ZNF292: variants seen among roughly 807,000 people sequenced by gnomAD.
ZNF292 encodes 16 zinc-finger domain protein.
ZNF292 carries 26 observed loss-of-function variants against 217.9 expected under a neutral mutation model. The observed-to-expected ratio is 0.12, with a 90% CI of 0.09 to 0.17. The LOEUF (loss-of-function observed/expected upper bound fraction) is 0.17. Ranked by LOEUF, ZNF292 falls within the 10% of genes least tolerant of loss-of-function variation. The pLI, the probability that ZNF292 is intolerant of heterozygous loss-of-function variation, is 1.00. For synonymous variants in ZNF292, 1,257 were observed against 1,124.1 expected, an observed-to-expected ratio of 1.12 and a Z score of -2.37; for missense variants, 2,904 against 3,175.2, an observed-to-expected ratio of 0.91 and a Z score of 2.05.
chr6:87,194,288 G>C (rs1053914439), intron 1 of ZNF292, among the ~76,000 whole-genome samples: 1 of 152,050 alleles, frequency 6.6e-6, no homozygotes, highest in East Asian at 1.9e-4. Context: ...TTCACTCTTA[G>C]ACATAAAAAT....
At chr6:87,188,326 G>A (rs1188825295) in intron 1 of ZNF292, among the ~76,000 whole-genome samples, 1 of 152,160 alleles carries the variant, frequency 6.6e-6, no homozygotes, top group African/African-American at 2.4e-5. Context: ...AACTCAGGCT[G>A]TTTTGATACC....
chr6:87,185,013 T>G (rs1441722934), intron 1 of ZNF292, among the ~76,000 whole-genome samples: 2 of 152,216 alleles, frequency 1.3e-5, no homozygotes, highest in African/African-American at 4.8e-5. Flanking sequence ...CACACACTAA[T>G]GTCCTCTGAA....
At chr6:87,179,188 C>T (rs1227245143) in intron 1 of ZNF292, among the ~76,000 whole-genome samples, 12 of 120,118 alleles carry the variant, frequency 1.0e-4, no homozygotes, top group Admixed American at 3.2e-4. Flanking sequence ...GAGATGGAGT[C>T]TCACTCTGTC....
chr6:87,226,680 T>C (rs897984015), intron 4 of ZNF292, among the ~76,000 whole-genome samples: 5 of 42,872 alleles, frequency 1.2e-4, no homozygotes, highest in Non-Finnish European at 2.3e-4. Context: ...TATATAGATA[T>C]ATAGATTTTT....
At position 87,260,224 on chromosome 6, in the gene ZNF292, A is replaced by G; in HGVS notation, c.6595A>G (p.Met2199Val). 6.2e-7 allele frequency: 1 copy of G among 1,613,636 alleles called. No individual in the cohort carries two copies. The highest frequency in any genetic ancestry group is 8.5e-7 in the Non-Finnish European group (1 of 1,179,620). ...LIQHYMKLHEMTPEEIESMTA... is the reference protein window; with the variant it reads ...LIQHYMKLHEVTPEEIESMTA... ...ACAACACTACATGAAACTTCATGAAATGACTCCTGAAGAAATTGAAAGTAT... is the reference window on the plus strand; with the variant it reads ...ACAACACTACATGAAACTTCATGAAGTGACTCCTGAAGAAATTGAAAGTAT... The change falls in exon 8 of 8, where the codon ATG becomes GTG. Residue 2199 changes from methionine (M) to valine (V), a missense_variant. Physicochemically the swap from Met to Val is conservative, Grantham distance 21 (BLOSUM62 1). This residue lies in a region of ZNF292 where 261 missense variants were observed against 272.8 expected (regional missense o/e 0.96). Transcript: ENST00000369577.
chr6:87,246,983 T>C (rs774404007), intron 7 of ZNF292, among the ~76,000 whole-genome samples: 22 of 152,024 alleles, frequency 1.4e-4, no homozygotes, highest in Non-Finnish European at 2.9e-4. Flanking sequence ...GGCAAAACCA[T>C]GCTCTACTAA....
chr6:87,201,959 T>A (rs767265799), intron 1 of ZNF292, among the ~76,000 whole-genome samples: 2 of 152,222 alleles, frequency 1.3e-5, no homozygotes, highest in Non-Finnish European at 2.9e-5. Flanking sequence ...AAAATCACAC[T>A]GTCTTAATTT....
chr6:87,171,353 T>C (rs1047583944), intron 1 of ZNF292, among the ~76,000 whole-genome samples: 2 of 151,908 alleles, frequency 1.3e-5, no homozygotes, highest in Non-Finnish European at 2.9e-5. Flanking sequence ...ATTCCAACTC[T>C]GGCACTTCCT....
chr6:87,166,527 G>A (rs995141910), intron 1 of ZNF292, among the ~76,000 whole-genome samples: 6 of 152,278 alleles, frequency 3.9e-5, no homozygotes, highest in African/African-American at 1.4e-4. Context: ...TAAACAAGTA[G>A]TTTTTGAATC....
At chr6:87,187,939 A>G (rs1469152048) in intron 1 of ZNF292, among the ~76,000 whole-genome samples, 2 of 152,122 alleles carry the variant, frequency 1.3e-5, no homozygotes, top group African/African-American at 2.4e-5. Context: ...CTATCTGCTT[A>G]TTACTGCCAT....
intron 1 of ZNF292, among the ~76,000 whole-genome samples, chr6:87,156,986 GA>G (rs1394124635): frequency 2.0e-5 from 3 of 152,158 alleles, no homozygotes; most frequent in Non-Finnish European, 2.9e-5. Flanking sequence ...ATTCGTTTTG[GA>G]AAAATACTGA....
intron 1 of ZNF292, among the ~76,000 whole-genome samples, chr6:87,162,909 T>A (rs1297811269): frequency 6.6e-6 from 1 of 152,214 alleles, no homozygotes; most frequent in Non-Finnish European, 1.5e-5. Flanking sequence ...GTGAGTATGC[T>A]CTTATAGTTG....
chr6:87,264,648 C>T lies in ZNF292; in HGVS notation c.*2847C>T, dbSNP rs960437933. 3.9e-5 allele frequency among the ~76,000 whole-genome samples: 6 copies of T among 152,000 alleles called. No homozygotes were observed. The highest frequency in any genetic ancestry group is 2.1e-4 in the South Asian group (1 of 4,822). ...GGGAATTCCAGACTTGGGGGTAGAG[C>T]GTAATTGCGGTATTGCCAGTGGGCC... On this transcript the variant is annotated 3_prime_UTR_variant, in exon 8 of 8. Coordinates refer to ENST00000369577, the MANE Select transcript of ZNF292 (RefSeq NM_015021.3).
rs181619467 is a variant in ZNF292 at position 87,250,143 on chromosome 6, A to G, written c.1020+4499A>G. On this transcript the variant is annotated intron_variant, in intron 7 of 7. Coordinates refer to ENST00000369577, the MANE Select transcript of ZNF292 (RefSeq NM_015021.3). ...CATAGGTTCCACATCAGTGGATTCA[A>G]CCACCTACTGATTGAAAATATTCAG... Among the ~76,000 whole-genome samples the G allele has an allele frequency of 6.2e-4, 94 of 152,172 alleles. No individual in the cohort carries two copies. The Middle Eastern group carries it at 0.01, about 17-fold the overall frequency.
chr6:87,238,923 C>A (rs565241168), intron 5 of ZNF292, among the ~76,000 whole-genome samples: 1 of 151,888 alleles, frequency 6.6e-6, no homozygotes, highest in Non-Finnish European at 1.5e-5. Flanking sequence ...TTTAACAAAG[C>A]ACATCTTGCA....
chr6:87,177,634 A>G (rs1207575937), intron 1 of ZNF292, among the ~76,000 whole-genome samples: 1 of 152,096 alleles, frequency 6.6e-6, no homozygotes, highest in African/African-American at 2.4e-5. Flanking sequence ...TTCCTTAAAG[A>G]CTTTAAAAGA....
At chr6:87,237,725 A>G (rs1280180075) in intron 5 of ZNF292, among the ~76,000 whole-genome samples, 1 of 152,256 alleles carries the variant, frequency 6.6e-6, no homozygotes, top group Non-Finnish European at 1.5e-5. Context: ...GACTTTATTC[A>G]GCATAATGTG....
Position 87,258,259 on chromosome 6 carries a change from A to C in ZNF292, c.4630A>C (p.Asn1544His), listed in dbSNP as rs766154099. The C allele has an allele frequency of 2.5e-6, 4 of 1,613,176 alleles. No individual in the cohort carries two copies. Among genetic ancestry groups the C allele is most frequent in the Non-Finnish European group, 3.4e-6 (4 of 1,179,622 alleles). The change falls in exon 8 of 8, where the codon AAC (asparagine) becomes CAC (histidine). Residue 1544 changes from asparagine to histidine, a missense_variant. Physicochemically the swap from Asn to His is moderately conservative, Grantham distance 68. Around this residue, in one of 15 missense-constraint regions of ZNF292, gnomAD observed 622 missense variants for 573.1 expected, o/e 1.09. Coordinates refer to ENST00000369577, the MANE Select transcript of ZNF292 (RefSeq NM_015021.3). The part of the protein sequence containing the change: ...PPLLHTVCHP[N>H]TLLTNQNRTS... ...CCTGTTGCACACTGTATGCCATCCA[A>C]ACACCTTGCTGACCAACCAGAATAG... is the stretch of plus-strand genomic sequence containing the variant.
intron 1 of ZNF292, among the ~76,000 whole-genome samples, chr6:87,201,799 T>A (rs1412667998): frequency 1.3e-5 from 2 of 152,228 alleles, no homozygotes; most frequent in South Asian, 2.1e-4. Flanking sequence ...ATAATTTTTC[T>A]TTCCTGTTTA....
Sources: allele counts gnomAD v4.1 joint callset (sites outside exome capture counted in the v4.1 genomes callset), GRCh38; gene constraint gnomAD v4.1.1; regional missense constraint gnomAD v4.1.1; transcripts MANE v1.5; gene names NCBI Gene and HGNC (gene_info 2026-07-23, HGNC 2026-07-21).